RRM2: variants seen among roughly 807,000 people sequenced by gnomAD.
RRM2 encodes ribonucleoside-diphosphate reductase subunit M2.
Under a neutral mutation model 45.9 loss-of-function variants are expected in RRM2, and 6 were observed. The observed-to-expected ratio is 0.13, with a 90% CI of 0.07 to 0.26. The LOEUF is 0.26. Among genes scored for constraint, RRM2 ranks in the 10% least tolerant of loss-of-function variants. RRM2 has a pLI of 1.00. For synonymous variants in RRM2, 177 were observed against 173.0 expected (o/e 1.02, Z -0.18); for missense variants, 343 against 489.5 (o/e 0.70, Z 2.82).
intron 3 of RRM2, among the ~76,000 whole-genome samples, chr2:10,170,726 G>T (rs1039033101): frequency 1.3e-4 from 20 of 152,274 alleles, no homozygotes; most frequent in Middle Eastern, 6.8e-3. Context: ...CTGGAAGGGG[G>T]TGTGCAGGCT....
At chr2:10,150,962 T>C (rs898386085) in intron 3 of RRM2, among the ~76,000 whole-genome samples, 1 of 150,994 alleles carries the variant, frequency 6.6e-6, no homozygotes, top group Non-Finnish European at 1.5e-5. Context: ...TACAGGTGCC[T>C]GCTACCACGC....
At chr2:10,189,356 G>C (rs1558402378) in intron 3 of RRM2, among the ~76,000 whole-genome samples, 1 of 152,222 alleles carries the variant, frequency 6.6e-6, no homozygotes, top group Non-Finnish European at 1.5e-5. Context: ...GAGGAGACAG[G>C]AATGGCTCAT....
chr2:10,125,721 CT>C (rs1459650562), intron 5 of RRM2, among the ~76,000 whole-genome samples: 6 of 152,092 alleles, frequency 3.9e-5, no homozygotes, highest in African/African-American at 1.4e-4. Context: ...GGACCAGAAC[CT>C]TGTATGGAGT....
chr2:10,128,592 A>C (rs1039538283), intron 7 of RRM2, among the ~76,000 whole-genome samples: 5 of 152,242 alleles, frequency 3.3e-5, no homozygotes. Flanking sequence ...AACACACAGC[A>C]GAGCAAGAAA....
At chr2:10,123,361 A>G (rs1261277673) in intron 2 of RRM2, 26 bp from the exon 3 acceptor site, 1 of 1,590,572 alleles carries the variant, frequency 6.3e-7, no homozygotes, top group East Asian at 2.2e-5. Flanking sequence ...CCCGGTACTT[A>G]AATGTTTTAT....
intron 3 of RRM2, among the ~76,000 whole-genome samples, chr2:10,143,626 C>T (rs142684492): frequency 2.6e-5 from 4 of 152,320 alleles, no homozygotes; most frequent in East Asian, 3.9e-4. Flanking sequence ...ACTGGAGTCC[C>T]TGGCCCCCAG....
In RRM2 at chr2:10,122,793, T is replaced by C. The variant is rs1130609; in HGVS notation, c.-6T>C. On this transcript the variant is annotated 5_prime_UTR_variant, in exon 1 of 10. Coordinates refer to ENST00000304567, the MANE Select transcript of RRM2 (RefSeq NM_001034.4). ...GCTGCTCGCTCTGCTTCGCTGCGCC[T>C]CCACTATGCTCTCCCTCCGTGTCCC... is the stretch of plus-strand genomic sequence containing the variant. 6.3e-7 allele frequency: 1 copy of C among 1,584,050 alleles called. No individual in the cohort carries two copies. The highest frequency in any genetic ancestry group is 8.6e-7 in the Non-Finnish European group (1 of 1,166,456).
chr2:10,177,802 A>G (rs1055106434), intron 3 of RRM2, among the ~76,000 whole-genome samples: 4 of 141,792 alleles, frequency 2.8e-5, no homozygotes, highest in Non-Finnish European at 6.1e-5. Flanking sequence ...TTGTATTTTT[A>G]CTGGAGATGA....
chr2:10,170,351 G>T (rs985033995), intron 3 of RRM2, among the ~76,000 whole-genome samples: 11 of 152,086 alleles, frequency 7.2e-5, no homozygotes. Context: ...CCCTCCTCAA[G>T]AAGCGGTCAC....
intron 3 of RRM2, among the ~76,000 whole-genome samples, chr2:10,174,692 C>T (rs1472777894): frequency 6.6e-6 from 1 of 151,850 alleles, no homozygotes; most frequent in African/African-American, 2.4e-5. Context: ...CACAGCAAGA[C>T]CCCATCTCTA....
chr2:10,131,808 C>T (rs116561970), downstream of RRM2, among the ~76,000 whole-genome samples: 4,098 of 152,306 alleles, frequency 0.027, 203 homozygotes, highest in African/African-American at 0.094. Context: ...AAGAGACTTG[C>T]CTTGTGCCTA....
Position 10,129,421 on chromosome 2 carries a change from T to G in RRM2, c.*35T>G. 6.4e-7 allele frequency: 1 copy of G among 1,572,286 alleles called. No individual in the cohort carries two copies. Among genetic ancestry groups the G allele is most frequent in the Non-Finnish European group, 8.6e-7 (1 of 1,163,998 alleles). ...AGATGTGCCCTTACTTGGCTGATTT[T>G]TTTTTTCCATCTCATAAGAAAAATC... On this transcript the variant is annotated 3_prime_UTR_variant, in exon 10 of 10. Transcript: ENST00000304567. This position sits in a 1 kb window ranked among gnomAD's most constrained non-coding sequence, Gnocchi z 4.8.
intron 3 of RRM2, among the ~76,000 whole-genome samples, chr2:10,200,918 G>A (rs889243527): frequency 8.5e-5 from 13 of 152,108 alleles, no homozygotes; most frequent in Non-Finnish European, 1.3e-4. Context: ...AGCCCGAGGC[G>A]GGCAGATCAC....
At chr2:10,166,950 G>A (rs1416262840) in intron 3 of RRM2, among the ~76,000 whole-genome samples, 2 of 152,218 alleles carry the variant, frequency 1.3e-5, no homozygotes, top group African/African-American at 4.8e-5. Context: ...GTCTGTACGT[G>A]CCACTTATGA....
intron 3 of RRM2, among the ~76,000 whole-genome samples, chr2:10,170,864 A>G (rs1423535881): frequency 6.6e-6 from 1 of 152,196 alleles, no homozygotes; most frequent in East Asian, 1.9e-4. Context: ...ATTAGGAATC[A>G]GATGCCAGAA....
chr2:10,127,111 C>T lies in RRM2; in HGVS notation c.689C>T (p.Ala230Val), dbSNP rs1368536908. 1 of 1,614,182 alleles carries T rather than the reference C, an allele frequency of 6.2e-7. No homozygotes were observed. Among genetic ancestry groups the T allele is most frequent in the Non-Finnish European group, 8.5e-7 (1 of 1,180,040 alleles). The change falls in exon 7 of 10, where the codon GCA becomes GTA. Residue 230 changes from alanine to valine, a missense_variant. This residue lies in a region of RRM2 where 212 missense variants were observed against 368.1 expected (regional missense o/e 0.58). Transcript: ENST00000304567. This position sits in a 1 kb window ranked among gnomAD's most constrained non-coding sequence, Gnocchi z 4.1. ...GGTGAACGTGTTGTAGCCTTTGCTG[C>T]AGTGGAAGGCATTTTCTTTTCCGGT... ...TYGERVVAFA[A>V]VEGIFFSGSF...
At chr2:10,167,792 C>A (rs1236209550) in intron 3 of RRM2, among the ~76,000 whole-genome samples, 2 of 152,172 alleles carry the variant, frequency 1.3e-5, no homozygotes, top group Non-Finnish European at 2.9e-5. Flanking sequence ...GATAACTTGG[C>A]CGTTCTGATT....
chr2:10,157,174 GC>G (rs1663448321), intron 3 of RRM2, among the ~76,000 whole-genome samples: 1 of 151,746 alleles, frequency 6.6e-6, no homozygotes, highest in Admixed American at 6.6e-5. Context: ...GACTACAGGC[GC>G]CCGCCACCGC....
chr2:10,153,583 C>T (rs1436323745), intron 3 of RRM2, among the ~76,000 whole-genome samples: 2 of 151,842 alleles, frequency 1.3e-5, no homozygotes, highest in Non-Finnish European at 2.9e-5. Context: ...TTTTTTTCTT[C>T]TCTAGGAAAA....
Sources: gnomAD v4.1 joint callset for allele counts (sites outside exome capture counted in the v4.1 genomes callset) on GRCh38, gnomAD v4.1.1 for gene constraint, gnomAD v4.1.1 regional missense constraint, Gnocchi (gnomAD v3.1) non-coding constraint, MANE v1.5 for transcripts, NCBI Gene and HGNC (gene_info 2026-07-23, HGNC 2026-07-21) for gene names.